The following MAD1L1 variants were observed in gnomAD, a reference collection of about 807,000 sequenced individuals.
The protein encoded by MAD1L1 is mitotic arrest deficient 1 like 1.
A neutral mutation model predicts 96.9 loss-of-function variants in MAD1L1; 95 were observed. That is an observed-to-expected ratio of 0.98 (90% CI 0.83 to 1.16). The LOEUF (loss-of-function observed/expected upper bound fraction) is 1.16. Ranked by LOEUF, MAD1L1 falls within the 50% of genes most tolerant of loss-of-function variation. The pLI is 0.00. For missense variants in MAD1L1, 1,007 were observed against 954.4 expected, an observed-to-expected ratio of 1.06 and a Z score of -0.73; for synonymous variants, 473 against 396.6, an observed-to-expected ratio of 1.19 and a Z score of -2.29.
At chr7:1,827,212 G>T (rs1214933083) in intron 18 of MAD1L1, among the ~76,000 whole-genome samples, 1 of 152,246 alleles carries the variant, frequency 6.6e-6, no homozygotes, top group African/African-American at 2.4e-5. Flanking sequence ...GAGAAGGTGG[G>T]AGAAGGGGCT....
intron 17 of MAD1L1, among the ~76,000 whole-genome samples, chr7:1,935,759 G>A (rs961386717): frequency 1.2e-4 from 19 of 152,354 alleles, no homozygotes; most frequent in Admixed American, 1.3e-4. Flanking sequence ...GATGAAAGCT[G>A]AGTCTGAAAT....
At chr7:2,023,825 T>G (rs1004282301) in intron 12 of MAD1L1, among the ~76,000 whole-genome samples, 4 of 152,070 alleles carry the variant, frequency 2.6e-5, no homozygotes, top group African/African-American at 9.7e-5. Flanking sequence ...GGCAGGTACC[T>G]GTAATCCCAG....
chr7:1,930,927 G>A (rs995493945), intron 17 of MAD1L1, among the ~76,000 whole-genome samples: 4 of 152,188 alleles, frequency 2.6e-5, no homozygotes, highest in Non-Finnish European at 5.9e-5. Flanking sequence ...AGGAGCATCC[G>A]TCTCTGTCTC....
At chr7:2,014,884 G>A (rs763205426) in intron 12 of MAD1L1, among the ~76,000 whole-genome samples, 1 of 152,240 alleles carries the variant, frequency 6.6e-6, no homozygotes, top group African/African-American at 2.4e-5. Flanking sequence ...CTCTGACCAC[G>A]TCAGGCCTTC....
intron 17 of MAD1L1, among the ~76,000 whole-genome samples, chr7:1,934,415 G>A (rs1322256036): frequency 6.6e-6 from 1 of 151,858 alleles, no homozygotes; most frequent in South Asian, 2.1e-4. Flanking sequence ...GACAACAAGG[G>A]AAGGAACAGA....
At chr7:1,922,886 C>A (rs773281018) in intron 17 of MAD1L1, among the ~76,000 whole-genome samples, 13 of 152,212 alleles carry the variant, frequency 8.5e-5, no homozygotes, top group Non-Finnish European at 1.6e-4. Flanking sequence ...GTAATTTTTC[C>A]TTTTGGCGAG....
chr7:1,873,329 C>CTAT (rs1351173080), intron 18 of MAD1L1, among the ~76,000 whole-genome samples: 1 of 152,088 alleles, frequency 6.6e-6, no homozygotes, highest in African/African-American at 2.4e-5. Flanking sequence ...AGCGCCAGCC[C>CTAT]TAAATGGGGT....
intron 11 of MAD1L1, among the ~76,000 whole-genome samples, chr7:2,072,282 T>C (rs1785168925): frequency 6.6e-6 from 1 of 152,184 alleles, no homozygotes; most frequent in South Asian, 2.1e-4. Context: ...ACACCCCACA[T>C]CTGGTCAGAG....
chr7:2,227,389 C>T lies in MAD1L1; in HGVS notation c.151-1839G>A, dbSNP rs1028071745. Among the ~76,000 whole-genome samples, 73 of 152,232 alleles carry T rather than the reference C, an allele frequency of 4.8e-4. 1 individual carries two copies. Among genetic ancestry groups the T allele is most frequent in the African/African-American group, 1.3e-3 (56 of 41,528 alleles). On this transcript the variant is annotated intron_variant, in intron 3 of 18. Coordinates refer to ENST00000265854, the MANE Select transcript of MAD1L1 (RefSeq NM_001013836.2). ...AAGCACCAGAGTAGAGTGGTGGTTC[C>T]CAGTGGGGTCCAGTTTTGCCCCTGG...
intron 18 of MAD1L1, among the ~76,000 whole-genome samples, chr7:1,841,737 C>T (rs1362219421): frequency 1.3e-5 from 2 of 152,244 alleles, no homozygotes; most frequent in Non-Finnish European, 2.9e-5. Flanking sequence ...TGGTCTCGGC[C>T]GTCACTCTGC....
At chr7:2,228,089 C>G (rs1794000594) in intron 3 of MAD1L1, among the ~76,000 whole-genome samples, 1 of 152,148 alleles carries the variant, frequency 6.6e-6, no homozygotes, top group South Asian at 2.1e-4. Flanking sequence ...CAAGGCTGGT[C>G]TTGCCGCCAT....
chr7:1,960,311 C>G (rs1779902246), intron 15 of MAD1L1, among the ~76,000 whole-genome samples: 1 of 147,396 alleles, frequency 6.8e-6, no homozygotes, highest in Admixed American at 6.7e-5. Context: ...AGTCAAATGA[C>G]AAGATCAAAA....
intron 17 of MAD1L1, among the ~76,000 whole-genome samples, chr7:1,923,639 C>A (rs1021427371): frequency 1.3e-5 from 2 of 152,268 alleles, no homozygotes. Flanking sequence ...CTGTGGCTGG[C>A]GTTGGCCGTG....
chr7:1,932,065 C>T (rs534507030), intron 17 of MAD1L1, among the ~76,000 whole-genome samples: 20 of 152,346 alleles, frequency 1.3e-4, no homozygotes, highest in African/African-American at 4.1e-4. Context: ...TGGAAAGCTC[C>T]GGTCCGCATC....
intron 10 of MAD1L1, among the ~76,000 whole-genome samples, chr7:2,159,769 T>C (rs1264023274): frequency 6.6e-6 from 1 of 152,182 alleles, no homozygotes. Context: ...ATCCATACAA[T>C]GGAACTTGTG....
intron 11 of MAD1L1, among the ~76,000 whole-genome samples, chr7:2,139,999 C>A (rs546879589): frequency 1.3e-5 from 2 of 151,602 alleles, no homozygotes; most frequent in East Asian, 3.9e-4. Flanking sequence ...CCGCCCCCCC[C>A]CAGTCCCTGC....
At chr7:1,977,962 G>A (rs1221909501) in intron 15 of MAD1L1, among the ~76,000 whole-genome samples, 1 of 152,264 alleles carries the variant, frequency 6.6e-6, no homozygotes, top group Non-Finnish European at 1.5e-5. Context: ...GGGGACTGGA[G>A]GACAACGGTG....
At chr7:2,157,753 C>T (rs1039858527) in intron 10 of MAD1L1, among the ~76,000 whole-genome samples, 1 of 152,222 alleles carries the variant, frequency 6.6e-6, no homozygotes, top group African/African-American at 2.4e-5. Flanking sequence ...CTTCGCCACA[C>T]ATCAAATCCA....
At chr7:1,977,001 C>T (rs1176219199) in intron 15 of MAD1L1, among the ~76,000 whole-genome samples, 6 of 152,250 alleles carry the variant, frequency 3.9e-5, no homozygotes, top group Non-Finnish European at 4.4e-5. Flanking sequence ...TCTATCTAGA[C>T]ATAAAATTTC....
Sources: gnomAD v4.1 joint callset for allele counts (sites outside exome capture counted in the v4.1 genomes callset) on GRCh38, gnomAD v4.1.1 for gene constraint, MANE v1.5 for transcripts, NCBI Gene and HGNC (gene_info 2026-07-23, HGNC 2026-07-21) for gene names.